The following GLYATL1 variants were observed in gnomAD, a reference collection of about 807,000 sequenced individuals.
The protein encoded by GLYATL1 is glycine N-acyltransferase-like protein 1.
In GLYATL1, 15 loss-of-function variants were observed where a neutral mutation model predicts 20.0. The observed-to-expected ratio is 0.75, with a 90% confidence interval of 0.50 to 1.15. GLYATL1 has a LOEUF of 1.15. Among genes scored for constraint, GLYATL1 ranks in the 50% most tolerant of loss-of-function variants. The pLI is 0.00. For synonymous variants in GLYATL1, 151 were observed against 131.5 expected, an observed-to-expected ratio of 1.15 and a Z score of -1.01; for missense variants, 380 against 368.5, an observed-to-expected ratio of 1.03 and a Z score of -0.26.
chr11:58,930,849 T>TAG (rs1207345065), intron 1 of GLYATL1, among the ~76,000 whole-genome samples: 62 of 152,290 alleles, frequency 4.1e-4, no homozygotes, highest in African/African-American at 1.5e-3. Context: ...ACTCACGAAT[T>TAG]ATAAGAAAAT....
upstream of GLYATL1, among the ~76,000 whole-genome samples, chr11:58,939,045 T>A (rs999082396): frequency 2.0e-5 from 3 of 152,186 alleles, no homozygotes; most frequent in Admixed American, 1.3e-4. Context: ...TAGAGAATTT[T>A]TTTTGTATAA....
At chr11:58,930,188 A>C (rs1243828379) in intron 1 of GLYATL1, among the ~76,000 whole-genome samples, 1 of 152,216 alleles carries the variant, frequency 6.6e-6, no homozygotes, top group Non-Finnish European at 1.5e-5. Context: ...TGCCCCTATT[A>C]CTATCAAATA....
chr11:58,951,507 TA>T (rs36052950), intron 4 of GLYATL1, among the ~76,000 whole-genome samples: 146,549 of 152,190 alleles, frequency 0.96, 70,784 homozygotes, highest in East Asian at 1. Flanking sequence ...TATATGAACA[TA>T]AACTAATTCT....
At chr11:58,920,063 TAGCTAAGGCTTTCTCTCTAGAAGGCAG>T (rs1399532273) in intron 1 of GLYATL1, among the ~76,000 whole-genome samples, 2 of 152,090 alleles carry the variant, frequency 1.3e-5, no homozygotes, top group Non-Finnish European at 2.9e-5. Context: ...AGGGGAGGCA[TAGCTAAGGCTTTCTCTCTAGAAGGCAG>T]AGCTGCCATT....
exon 2 of GLYATL1, chr11:58,908,373 T>G (rs1011895494): frequency 1.3e-5 from 2 of 153,348 alleles, no homozygotes; most frequent in Admixed American, 6.5e-5. Context: ...GTTTTTTTGT[T>G]TTTTTAGACA....
intron 1 of GLYATL1, among the ~76,000 whole-genome samples, chr11:58,932,110 CAAAAAAAAAAAA>C (rs5792141): frequency 1.6e-5 from 1 of 61,494 alleles, no homozygotes; most frequent in Non-Finnish European, 2.7e-5. Context: ...GACCCCTTCT[CAAAAAAAAAAAA>C]AAAAAAAAAA....
chr11:58,911,461 T>G (rs903802399), downstream of GLYATL1, among the ~76,000 whole-genome samples: 3 of 152,230 alleles, frequency 2.0e-5, no homozygotes, highest in South Asian at 6.2e-4. Context: ...GTGTGAGAGT[T>G]CCAGTTGTTT....
chr11:58,932,194 A>G (rs1342353674), intron 1 of GLYATL1, among the ~76,000 whole-genome samples: 1 of 151,794 alleles, frequency 6.6e-6, no homozygotes, highest in Non-Finnish European at 1.5e-5. Context: ...TCCATTAGTA[A>G]TTAGAAAACT....
At chr11:58,920,563 G>C (rs760882893) in intron 1 of GLYATL1, among the ~76,000 whole-genome samples, 6 of 152,312 alleles carry the variant, frequency 3.9e-5, no homozygotes, top group South Asian at 2.1e-4. Flanking sequence ...GGGCTGATCT[G>C]TCAAATCTCT....
chr11:58,906,019 T>C (rs1214642739), intron 1 of GLYATL1, among the ~76,000 whole-genome samples: 1 of 152,192 alleles, frequency 6.6e-6, no homozygotes, highest in Non-Finnish European at 1.5e-5. Context: ...AAAGTTCAGC[T>C]TAGACAGGCA....
upstream of GLYATL1, among the ~76,000 whole-genome samples, chr11:58,926,139 C>T (rs1855422061): frequency 6.6e-6 from 1 of 152,170 alleles, no homozygotes; most frequent in South Asian, 2.1e-4. Context: ...GGTTCCAATC[C>T]TCTAGGGTTA....
chr11:58,917,061 T>C (rs1326648692), intron 1 of GLYATL1: 1 of 152,230 alleles, frequency 6.6e-6, no homozygotes. Flanking sequence ...ATTGGTGGCA[T>C]GATTTGCAAA....
intron 2 of GLYATL1, 146 bp downstream of exon 2, chr11:58,943,812 A>G: frequency 6.4e-6 from 8 of 1,256,482 alleles, no homozygotes; most frequent in Non-Finnish European, 8.5e-6. Context: ...CTTGGAATTA[A>G]CTGGCCTGGA....
chr11:58,937,612 G>T (rs1855894260), upstream of GLYATL1, among the ~76,000 whole-genome samples: 1 of 152,142 alleles, frequency 6.6e-6, no homozygotes, highest in Non-Finnish European at 1.5e-5. Flanking sequence ...TGACTGTTCG[G>T]TCCGTGCCTG....
chr11:58,943,780 T>C, intron 2 of GLYATL1, 114 bp downstream of exon 2: 1 of 1,452,188 alleles, frequency 6.9e-7, no homozygotes. Flanking sequence ...GGAAACAGAC[T>C]GGGTCTAGGA....
downstream of GLYATL1, among the ~76,000 whole-genome samples, chr11:58,909,067 G>C (rs1340276168): frequency 1.3e-5 from 2 of 152,134 alleles, no homozygotes; most frequent in East Asian, 3.8e-4. Context: ...TCAAAATATG[G>C]AAAATGATAA....
chr11:58,908,779 A>G (rs1438864337), downstream of GLYATL1, among the ~76,000 whole-genome samples: 1 of 152,228 alleles, frequency 6.6e-6, no homozygotes. Context: ...AACAAACAAT[A>G]TGGACACTTA....
downstream of GLYATL1, among the ~76,000 whole-genome samples, chr11:58,910,582 C>T (rs1009446228): frequency 1.4e-4 from 21 of 152,086 alleles, no homozygotes; most frequent in Middle Eastern, 3.2e-3. Context: ...TACTAGTCTA[C>T]GGCATCCACT....
At chr11:58,913,440 G>A (rs927265855), downstream of GLYATL1, among the ~76,000 whole-genome samples, 3 of 152,302 alleles carry the variant, frequency 2.0e-5, no homozygotes, top group Admixed American at 2.0e-4. Context: ...AACACTGACA[G>A]GAACTTTGCC....
Sources: allele counts gnomAD v4.1 joint callset (sites outside exome capture counted in the v4.1 genomes callset), GRCh38; gene constraint gnomAD v4.1.1; transcripts MANE v1.5; gene names NCBI Gene and HGNC (gene_info 2026-07-23, HGNC 2026-07-21).